Variants in VPS13C observed in about 807,000 individuals in gnomAD.
VPS13C encodes vacuolar protein sorting 13 homolog C.
In VPS13C, 358 loss-of-function variants were observed where a neutral mutation model predicts 456.8. That is an observed-to-expected ratio of 0.78 (90% CI 0.72 to 0.86). VPS13C has a LOEUF of 0.86. VPS13C is among the 40% of genes least tolerant of loss of function. The probability of loss-of-function intolerance (pLI) is 0.00; values close to 1 mark genes in which losing one functional copy is unlikely to be tolerated. For synonymous variants in VPS13C, 1,578 were observed against 1,486.7 expected (o/e 1.06, Z -1.41); for missense variants, 4,818 against 4,385.4 (o/e 1.10, Z -2.79).
intron 18 of VPS13C, among the ~76,000 whole-genome samples, chr15:61,986,953 C>T (rs2046075200): frequency 6.6e-6 from 1 of 152,112 alleles, no homozygotes; most frequent in East Asian, 1.9e-4. Context: ...AAACTCATCA[C>T]CAGCAGAACT....
chr15:61,961,442 C>CAA lies in VPS13C; in HGVS notation c.3908+145_3908+146dup, dbSNP rs1159924811. 10 of 557,280 alleles carry CAA rather than the reference C, an allele frequency of 1.8e-5. No homozygotes were observed. The African/African-American group carries it at 2.0e-4, about 11-fold the overall frequency. The allele number at this position is 557,280 out of a possible 1,614,324, so 34.5% of individuals were successfully genotyped here. A position where few individuals can be genotyped will look rare whatever the true frequency, so the allele number is the denominator to read the frequency against. On this transcript the variant is annotated intron_variant, in intron 35 of 84. Transcript: ENST00000644861. ...ACACACACACACACACACACACACA[C>CAA]AAAACAATGACAACAATAAAAAAAA...
chr15:62,032,878 T>C (rs2047864992), intron 5 of VPS13C, among the ~76,000 whole-genome samples: 1 of 151,808 alleles, frequency 6.6e-6, no homozygotes, highest in Non-Finnish European at 1.5e-5. Flanking sequence ...TCTTGCTCTA[T>C]AAACCAAACA....
rs79456076 is a variant in VPS13C, at chr15:61,862,960, A to G, written c.10952+480T>C. On this transcript the variant is annotated intron_variant, in intron 82 of 84. Transcript: ENST00000644861. The stretch of plus-strand genomic sequence containing the variant: ...AGGAAAATAAGCTTGGTAGTTTACT[A>G]TAAGTTCTTCTATTTGGAAAAATCT... Among the ~76,000 whole-genome samples, 235 of 152,242 alleles carry G rather than the reference A, an allele frequency of 1.5e-3. 4 individuals are homozygous for G. The East Asian group carries it at 0.041, about 26-fold the overall frequency.
chr15:61,867,133 T>TA lies in VPS13C; in HGVS notation c.10863+1525_10863+1526insT. On this transcript the variant is annotated intron_variant, in intron 81 of 84. Coordinates refer to ENST00000644861, the MANE Select transcript of VPS13C (RefSeq NM_020821.3). The surrounding 1 kb of genome is among the most constrained non-coding windows in gnomAD (Gnocchi z 5.0). ...TGGTTTTTGAAAATAAAGAAATCTA[T>TA]GTATTCAAGTGCCACACAGCAATTT... The TA allele has an allele frequency of 1.0e-6, 1 of 981,886 alleles. No individual in the cohort carries two copies. The highest frequency in any genetic ancestry group is 1.2e-6 in the Non-Finnish European group (1 of 826,688). The allele number at this position is 981,886 out of a possible 1,614,324, so 60.8% of individuals were successfully genotyped here.
At chr15:61,979,066 C>T (rs541508718) in intron 22 of VPS13C, among the ~76,000 whole-genome samples, 1 of 152,206 alleles carries the variant, frequency 6.6e-6, no homozygotes, top group African/African-American at 2.4e-5. Flanking sequence ...ACTTAGAGTC[C>T]AGCTCCCCTG....
intron 15 of VPS13C, among the ~76,000 whole-genome samples, chr15:62,002,048 T>G (rs911539299): frequency 6.6e-5 from 10 of 152,200 alleles, no homozygotes; most frequent in African/African-American, 2.4e-4. Context: ...ATGAGATGGC[T>G]GGGTCAAATG....
chr15:61,884,194 T>A lies in VPS13C; in HGVS notation c.9417A>T (p.Glu3139Asp). The A allele has an allele frequency of 6.2e-6, 10 of 1,610,868 alleles. No homozygotes were observed. Among genetic ancestry groups the A allele is most frequent in the Non-Finnish European group, 8.5e-6 (10 of 1,178,776 alleles). ...ATATTTGATGTTTCTGATAGGATTG[T>A]TCCAATAAGATTATCTGCTTTTGAC... ...PFSQKQIILL[E>D]QSYQKHQISR... Residue 3139 changes from glutamate to aspartate, a missense_variant, in exon 68 of 85, where the codon GAA (glutamate) becomes GAT (aspartate). Physicochemically the swap from Glu to Asp is conservative, Grantham distance 45. Around this residue, in one of 3 missense-constraint regions of VPS13C, gnomAD observed 4,552 missense variants for 4,130.6 expected, o/e 1.10. Transcript: ENST00000644861.
chr15:62,051,543 A>T (rs1261659819), intron 1 of VPS13C, among the ~76,000 whole-genome samples: 1 of 152,250 alleles, frequency 6.6e-6, no homozygotes, highest in African/African-American at 2.4e-5. Context: ...CCCGAATAGC[A>T]GAGCATAAAG....
intron 66 of VPS13C, among the ~76,000 whole-genome samples, chr15:61,899,691 G>T (rs933422206): frequency 6.6e-6 from 1 of 150,840 alleles, no homozygotes; most frequent in Non-Finnish European, 1.5e-5. Flanking sequence ...GTACAAGGAC[G>T]AACTGGTACC....
At chr15:62,028,128 A>G (rs1034801798) in intron 6 of VPS13C, among the ~76,000 whole-genome samples, 2 of 152,068 alleles carry the variant, frequency 1.3e-5, no homozygotes, top group African/African-American at 4.8e-5. Context: ...TTACCCCACA[A>G]ACATCCAGCA....
intron 38 of VPS13C, among the ~76,000 whole-genome samples, chr15:61,952,542 G>C (rs1175613285): frequency 1.3e-5 from 2 of 152,018 alleles, no homozygotes; most frequent in Non-Finnish European, 2.9e-5. Flanking sequence ...TGTGTGTTAA[G>C]TATATCTGCA....
intron 47 of VPS13C, among the ~76,000 whole-genome samples, chr15:61,937,683 C>T (rs1232350094): frequency 3.9e-5 from 6 of 152,130 alleles, no homozygotes; most frequent in African/African-American, 1.4e-4. Context: ...ACCATGTTAG[C>T]CAGGATGGTC....
At chr15:61,970,390 T>C (rs1406432237) in intron 27 of VPS13C, among the ~76,000 whole-genome samples, 1 of 152,172 alleles carries the variant, frequency 6.6e-6, no homozygotes, top group East Asian at 1.9e-4. Context: ...TTTAAGCTAT[T>C]TAACTTGATA....
In VPS13C at chr15:62,041,313, A is replaced by G; in HGVS notation, c.187+11T>C. 1.2e-6 allele frequency: 2 copies of G among 1,603,320 alleles called. No individual in the cohort carries two copies. The highest frequency in any genetic ancestry group is 1.7e-6 in the Non-Finnish European group (2 of 1,176,720). On this transcript the variant is annotated intron_variant, in intron 3 of 84. Coordinates refer to ENST00000644861, the MANE Select transcript of VPS13C (RefSeq NM_020821.3). Reference sequence around the variant, plus strand: ...ACCAAGAATAATTCAAATGAAGACTAAAGTACTTACCAATTTGGCCAGCCT... The same window carrying G: ...ACCAAGAATAATTCAAATGAAGACTGAAGTACTTACCAATTTGGCCAGCCT...
chr15:62,003,745 G>A (rs1443729802), intron 15 of VPS13C, among the ~76,000 whole-genome samples: 4 of 151,596 alleles, frequency 2.6e-5, no homozygotes, highest in Non-Finnish European at 5.9e-5. Context: ...GTTGAATTTT[G>A]TCAAAGGCCT....
chr15:61,859,871 C>G (rs1439129482), intron 82 of VPS13C, among the ~76,000 whole-genome samples: 2 of 151,268 alleles, frequency 1.3e-5, no homozygotes, highest in Admixed American at 1.3e-4. Context: ...TAATGAATTT[C>G]TCAATAAAGA....
Position 61,940,671 on chromosome 15 carries a change from T to A in VPS13C, c.5577A>T (p.Ile1859=). Reference sequence around the variant, plus strand: ...CCTGCATAGGTTTTAGTTTTCCTTTTATCTCCATCCCTGGAATTTGCACAT... The same window carrying A: ...CCTGCATAGGTTTTAGTTTTCCTTTAATCTCCATCCCTGGAATTTGCACAT... The part of the protein sequence containing the change: ...AWYVQIPGME[I]KGKLKPMQVA... The change falls in exon 47 of 85, where the codon ATA becomes ATT. Residue 1859 remains isoleucine, a synonymous_variant. Transcript: ENST00000644861. 2 of 1,613,532 alleles carry A rather than the reference T, an allele frequency of 1.2e-6. No homozygotes were observed. Among genetic ancestry groups the A allele is most frequent in the South Asian group, 2.2e-5 (2 of 90,854 alleles).
In VPS13C at chr15:61,941,802, T is replaced by C; in HGVS notation, c.5414A>G (p.Asp1805Gly). The C allele has an allele frequency of 6.2e-7, 1 of 1,613,438 alleles. No homozygotes were observed. Among genetic ancestry groups the C allele is most frequent in the South Asian group, 1.1e-5 (1 of 91,004 alleles). ...MEHYSLPPVI[D>G]KMNIELTQLK... ...CTGAGTGAGTTCGATGTTCATTTTA[T>C]CAATGACTGGAGGAAGAGAATAATG... The change falls in exon 46 of 85, where the codon GAT becomes GGT. Residue 1805 changes from aspartate (D) to glycine (G), a missense_variant. Coordinates refer to ENST00000644861, the MANE Select transcript of VPS13C (RefSeq NM_020821.3).
At position 62,023,845 on chromosome 15, in the gene VPS13C, C is replaced by T. The variant is rs777553310; in HGVS notation, c.449G>A (p.Gly150Glu). The T allele has an allele frequency of 1.9e-6, 3 of 1,609,502 alleles. No individual in the cohort carries two copies. Among genetic ancestry groups the T allele is most frequent in the South Asian group, 1.1e-5 (1 of 90,634 alleles). ...ENFVYKDIKP[G>E]RKRKKHKKHF... ...TTTTTTGTGCTTTTTACGTTTACGT[C>T]CTTCACAGTGGAAGCATTTTAGTGA... is the stretch of plus-strand genomic sequence containing the variant. Residue 150 changes from glycine to glutamate, a missense_variant and splice_region_variant, in exon 7 of 85, where the codon GGA (glycine) becomes GAA (glutamate). Around this residue, in one of 3 missense-constraint regions of VPS13C, gnomAD observed 4,552 missense variants for 4,130.6 expected, o/e 1.10. Transcript: ENST00000644861.
Sources: gnomAD v4.1 joint callset for allele counts (sites outside exome capture counted in the v4.1 genomes callset) on GRCh38, gnomAD v4.1.1 for gene constraint, gnomAD v4.1.1 regional missense constraint, Gnocchi (gnomAD v3.1) non-coding constraint, MANE v1.5 for transcripts, NCBI Gene and HGNC (gene_info 2026-07-23, HGNC 2026-07-21) for gene names.